Variants in MB21D2 observed in about 807,000 individuals in gnomAD.
MB21D2 encodes the protein nucleotidyltransferase MB21D2.
In MB21D2, 9 loss-of-function variants were observed where a neutral mutation model predicts 33.3. The observed-to-expected ratio is 0.27, with a 90% CI of 0.16 to 0.47. MB21D2 has a LOEUF of 0.47. Ranked by LOEUF, MB21D2 falls within the 20% of genes least tolerant of loss-of-function variation. The pLI is 0.99. For missense variants in MB21D2, 540 were observed against 624.6 expected (o/e 0.86, Z 1.44); for synonymous variants, 241 against 236.3 (o/e 1.02, Z -0.18).
intron 1 of MB21D2, among the ~76,000 whole-genome samples, chr3:192,900,910 C>T (rs4603904): frequency 0.53 from 79,452 of 150,484 alleles, 21,152 homozygotes; most frequent in Admixed American, 0.54. Context: ...CACTGCACTC[C>T]AGCCTGGGTG....
chr3:192,858,831 T>A (rs1712975012), intron 1 of MB21D2, among the ~76,000 whole-genome samples: 1 of 152,158 alleles, frequency 6.6e-6, no homozygotes, highest in Admixed American at 6.5e-5. Context: ...TATACAGGTA[T>A]TGCAATATAG....
chr3:192,880,222 C>T (rs1218377027), intron 1 of MB21D2, among the ~76,000 whole-genome samples: 1 of 151,964 alleles, frequency 6.6e-6, no homozygotes, highest in Non-Finnish European at 1.5e-5. Context: ...TGGTGGGCAC[C>T]TGTAATCCCA....
At chr3:192,830,270 G>T (rs1011278570) in intron 1 of MB21D2, among the ~76,000 whole-genome samples, 2 of 148,096 alleles carry the variant, frequency 1.4e-5, no homozygotes, top group Non-Finnish European at 1.5e-5. Context: ...GTGTGTGTGT[G>T]GGTGTCAAAG....
intron 1 of MB21D2, among the ~76,000 whole-genome samples, chr3:192,856,693 C>G (rs1299594121): frequency 6.6e-6 from 1 of 152,110 alleles, no homozygotes; most frequent in African/African-American, 2.4e-5. Context: ...AGCTGGACTA[C>G]AGGTGCACTC....
chr3:192,886,806 T>A (rs1713742480), intron 1 of MB21D2, among the ~76,000 whole-genome samples: 1 of 152,120 alleles, frequency 6.6e-6, no homozygotes, highest in Non-Finnish European at 1.5e-5. Flanking sequence ...TCACAGTACC[T>A]TTTTACCTAA....
At chr3:192,891,220 T>C (rs1263429112) in intron 1 of MB21D2, among the ~76,000 whole-genome samples, 1 of 152,180 alleles carries the variant, frequency 6.6e-6, no homozygotes, top group Non-Finnish European at 1.5e-5. Context: ...TCACCTGAAT[T>C]TTTAGACATT....
chr3:192,841,136 A>G (rs1712563873), intron 1 of MB21D2, among the ~76,000 whole-genome samples: 1 of 152,250 alleles, frequency 6.6e-6, no homozygotes, highest in African/African-American at 2.4e-5. Flanking sequence ...CAAAATAATT[A>G]TCTACATGAA....
intron 1 of MB21D2, among the ~76,000 whole-genome samples, chr3:192,830,465 C>T (rs1258977249): frequency 6.6e-6 from 1 of 152,138 alleles, no homozygotes; most frequent in Non-Finnish European, 1.5e-5. Flanking sequence ...ACTATGAACA[C>T]ACTCACAGCT....
At chr3:192,885,791 A>G (rs549126284) in intron 1 of MB21D2, among the ~76,000 whole-genome samples, 9 of 152,186 alleles carry the variant, frequency 5.9e-5, no homozygotes, top group African/African-American at 2.2e-4. Context: ...AATTCCAATA[A>G]AAACAAAAAT....
At chr3:192,894,592 A>G (rs1713924779) in intron 1 of MB21D2, among the ~76,000 whole-genome samples, 1 of 152,178 alleles carries the variant, frequency 6.6e-6, no homozygotes, top group Admixed American at 6.5e-5. Flanking sequence ...AGAACATGTA[A>G]AAGCTGCCAG....
At chr3:192,869,618 A>G (rs1029137255) in intron 1 of MB21D2, among the ~76,000 whole-genome samples, 9 of 152,298 alleles carry the variant, frequency 5.9e-5, no homozygotes, top group African/African-American at 2.2e-4. Flanking sequence ...AAAAGCTTCC[A>G]ATTACCCAGA....
chr3:192,824,522 A>C (rs1255280754), intron 1 of MB21D2, among the ~76,000 whole-genome samples: 1 of 151,636 alleles, frequency 6.6e-6, no homozygotes, highest in African/African-American at 2.4e-5. Flanking sequence ...TAAATAAATA[A>C]ATAAATAAAG....
At chr3:192,844,809 A>G (rs151087685) in intron 1 of MB21D2, among the ~76,000 whole-genome samples, 248 of 152,294 alleles carry the variant, frequency 1.6e-3, no homozygotes, top group African/African-American at 5.8e-3. Context: ...CCATTCACAT[A>G]CAACCGTATT....
intron 1 of MB21D2, among the ~76,000 whole-genome samples, chr3:192,828,592 A>C (rs63749570): frequency 0.38 from 5,308 of 14,070 alleles, 757 homozygotes; most frequent in East Asian, 0.57. Context: ...CACCCCCCCC[A>C]TATATATATA....
intron 1 of MB21D2, among the ~76,000 whole-genome samples, chr3:192,905,243 T>G (rs1714181995): frequency 6.6e-6 from 1 of 152,100 alleles, no homozygotes; most frequent in South Asian, 2.1e-4. Context: ...TTCCATTCCT[T>G]GTGACAGGGT....
At chr3:192,903,886 T>C (rs982098533) in intron 1 of MB21D2, among the ~76,000 whole-genome samples, 1 of 152,200 alleles carries the variant, frequency 6.6e-6, no homozygotes, top group Non-Finnish European at 1.5e-5. Context: ...CCTGCTGCCA[T>C]TTTACTTCCA....
chr3:192,863,593 A>G (rs938400031), intron 1 of MB21D2, among the ~76,000 whole-genome samples: 33 of 152,220 alleles, frequency 2.2e-4, no homozygotes, highest in African/African-American at 8.0e-4. Flanking sequence ...GACAAGGACG[A>G]AGAAGACATG....
At chr3:192,861,052 G>C (rs978155348) in intron 1 of MB21D2, among the ~76,000 whole-genome samples, 2 of 152,168 alleles carry the variant, frequency 1.3e-5, no homozygotes, top group Admixed American at 6.5e-5. Context: ...GGACTTCTTC[G>C]GGCCTTAGCT....
chr3:192,912,104 C>T lies in MB21D2; in HGVS notation c.211+5526G>A, dbSNP rs534724130. Among the ~76,000 whole-genome samples, 276 of 152,256 alleles carry T rather than the reference C, an allele frequency of 1.8e-3. 1 individual carries two copies. The highest frequency in any genetic ancestry group is 6.5e-3 in the African/African-American group (271 of 41,546). ...ATATGGTAGGTCCAGGAGCACCACA[C>T]CAAGCATTTACATCTTTGAAATGGC... is the stretch of plus-strand genomic sequence containing the variant. On this transcript the variant is annotated intron_variant, in intron 1 of 1. Transcript: ENST00000392452.
Sources: allele counts gnomAD v4.1 joint callset (sites outside exome capture counted in the v4.1 genomes callset), GRCh38; gene constraint gnomAD v4.1.1; transcripts MANE v1.5; gene names NCBI Gene and HGNC (gene_info 2026-07-23, HGNC 2026-07-21).